The following MED12L variants were observed in gnomAD, a reference collection of about 807,000 sequenced individuals.
MED12L encodes mediator of RNA polymerase II transcription subunit 12-like protein.
MED12L carries 60 observed loss-of-function variants against 281.3 expected under a neutral mutation model. The observed-to-expected ratio is 0.21, with a 90% CI of 0.17 to 0.26. MED12L has a LOEUF of 0.26. MED12L is among the 10% of genes least tolerant of loss of function. The probability of loss-of-function intolerance (pLI) is 1.00; values close to 1 mark genes in which losing one functional copy is unlikely to be tolerated. For missense variants in MED12L, 2,146 were observed against 2,680.9 expected, an observed-to-expected ratio of 0.80 and a Z score of 4.41; for synonymous variants, 974 against 987.2, an observed-to-expected ratio of 0.99 and a Z score of 0.25.
At chr3:151,300,453 GC>G (rs1164622316) in intron 16 of MED12L, among the ~76,000 whole-genome samples, 1 of 152,098 alleles carries the variant, frequency 6.6e-6, no homozygotes, top group Non-Finnish European at 1.5e-5. Flanking sequence ...ATAAAGGTTA[GC>G]TGAGACCATA....
At chr3:151,177,050 G>C (rs1722138729) in intron 11 of MED12L, among the ~76,000 whole-genome samples, 2 of 152,204 alleles carry the variant, frequency 1.3e-5, no homozygotes, top group Non-Finnish European at 2.9e-5. Context: ...AGGGGATTGT[G>C]CTCTAGGTGA....
intron 2 of MED12L, among the ~76,000 whole-genome samples, chr3:151,090,102 C>T (rs1229209993): frequency 2.0e-5 from 3 of 152,156 alleles, no homozygotes; most frequent in Non-Finnish European, 2.9e-5. Context: ...TAGCATTCCA[C>T]TCAGCTCTTC....
chr3:151,270,034 G>T, intron 16 of MED12L: 1 of 233,756 alleles, frequency 4.3e-6, no homozygotes, highest in Non-Finnish European at 8.4e-6. Context: ...GAAGAAGGAT[G>T]GGAAGATATT....
At chr3:151,410,974 G>A (rs1446117780) in intron 40 of MED12L, among the ~76,000 whole-genome samples, 3 of 152,112 alleles carry the variant, frequency 2.0e-5, no homozygotes, top group African/African-American at 7.2e-5. Context: ...TTTCTATATA[G>A]AAACATGCCC....
At chr3:151,178,175 A>G (rs1409423910) in intron 11 of MED12L, among the ~76,000 whole-genome samples, 8 of 151,164 alleles carry the variant, frequency 5.3e-5, no homozygotes, top group Non-Finnish European at 8.9e-5. Flanking sequence ...AAAAAAAAAA[A>G]AAAAAAAAAG....
At chr3:151,338,901 A>C in intron 16 of MED12L, 1 of 1,561,312 alleles carries the variant, frequency 6.4e-7, no homozygotes, top group South Asian at 1.1e-5. Flanking sequence ...AGCCTAAGGT[A>C]GTTATTATTG....
At chr3:151,155,963 C>G (rs893052769) in intron 5 of MED12L, among the ~76,000 whole-genome samples, 198 bp from the exon 6 acceptor site, 3 of 152,196 alleles carry the variant, frequency 2.0e-5, no homozygotes, top group Non-Finnish European at 2.9e-5. Context: ...CAGGCCACCT[C>G]ACACTAGCAT....
intron 16 of MED12L, among the ~76,000 whole-genome samples, chr3:151,276,395 CCAT>C (rs1486083300): frequency 1.3e-5 from 2 of 152,224 alleles, no homozygotes; most frequent in East Asian, 3.8e-4. Context: ...TCCTTATTGT[CCAT>C]CATCCTCCAC....
chr3:151,249,423 A>G (rs1736413632), intron 16 of MED12L, among the ~76,000 whole-genome samples: 1 of 152,198 alleles, frequency 6.6e-6, no homozygotes, highest in South Asian at 2.1e-4. Flanking sequence ...TCCTTCTTTC[A>G]GTACCAGGGG....
intron 16 of MED12L, chr3:151,294,006 C>T: frequency 1.6e-6 from 1 of 610,292 alleles, no homozygotes; most frequent in African/African-American, 1.9e-5. Flanking sequence ...TCTTGTTTAT[C>T]TCTTTGCTAT....
At chr3:151,243,592 GC>G (rs1734714000) in intron 16 of MED12L, among the ~76,000 whole-genome samples, 1 of 151,568 alleles carries the variant, frequency 6.6e-6, no homozygotes, top group Admixed American at 6.6e-5. Context: ...CACCAGGCCT[GC>G]CCTAAAAGAG....
chr3:151,333,555 A>G (rs1171029615), intron 16 of MED12L, among the ~76,000 whole-genome samples: 1 of 152,210 alleles, frequency 6.6e-6, no homozygotes, highest in Non-Finnish European at 1.5e-5. Flanking sequence ...GCTGCGACTG[A>G]TGGGCATGTA....
intron 16 of MED12L, among the ~76,000 whole-genome samples, chr3:151,285,067 G>T (rs1428574605): frequency 1.3e-5 from 2 of 152,206 alleles, no homozygotes; most frequent in African/African-American, 4.8e-5. Flanking sequence ...AATGGCATTT[G>T]CAGTAACCTG....
chr3:151,190,998 GGGTCAT>G, intron 14 of MED12L, 67 bp downstream of exon 14: 1 of 1,388,582 alleles, frequency 7.2e-7, no homozygotes, highest in South Asian at 1.2e-5. Flanking sequence ...ATGTTCAAAT[GGGTCAT>G]GTAGTGGTAG....
intron 16 of MED12L, chr3:151,300,174 G>A: frequency 3.0e-6 from 3 of 1,001,460 alleles, no homozygotes; most frequent in Non-Finnish European, 4.8e-6. Flanking sequence ...CGTGGGTTCA[G>A]CATAGGTTAT....
At chr3:151,086,655 C>T in intron 1 of MED12L, 143 bp from the exon 2 acceptor site, 1 of 333,552 alleles carries the variant, frequency 3.0e-6, no homozygotes, top group Admixed American at 4.7e-5. Context: ...TGGCCGACCT[C>T]TAGTCCCTCC....
intron 16 of MED12L, among the ~76,000 whole-genome samples, chr3:151,313,343 A>G (rs773613588): frequency 2.6e-5 from 4 of 152,204 alleles, no homozygotes; most frequent in Non-Finnish European, 4.4e-5. Context: ...GTACTAGTAT[A>G]TGGTAAATAT....
chr3:151,113,935 G>T (rs1313367428), intron 2 of MED12L, among the ~76,000 whole-genome samples: 2 of 152,084 alleles, frequency 1.3e-5, no homozygotes, highest in Non-Finnish European at 2.9e-5. Context: ...TCTTGATTAG[G>T]CCAGAATGTA....
Position 151,120,851 on chromosome 3 carries a change from G to A in MED12L, c.205-1932G>A, listed in dbSNP as rs369455252. 7.9e-4 allele frequency among the ~76,000 whole-genome samples: 120 copies of A among 152,220 alleles called. 1 individual carries two copies. The highest frequency in any genetic ancestry group is 2.7e-3 in the African/African-American group (111 of 41,548). ...TTGACCTTTTTTGGAGCCCTAATGT[G>A]TATTTTCTAGTCTTTTGCTTTCTTG... On this transcript the variant is annotated intron_variant, in intron 3 of 44. Coordinates refer to ENST00000687756, the MANE Select transcript of MED12L (RefSeq NM_001393769.1).
Sources: allele counts gnomAD v4.1 joint callset (sites outside exome capture counted in the v4.1 genomes callset), GRCh38; gene constraint gnomAD v4.1.1; transcripts MANE v1.5; gene names NCBI Gene and HGNC (gene_info 2026-07-23, HGNC 2026-07-21).